The following PARD3B variants were observed in gnomAD, a reference collection of about 807,000 sequenced individuals.
PARD3B encodes partitioning defective 3 homolog B.
Under a neutral mutation model 130.2 loss-of-function variants are expected in PARD3B, and 103 were observed. The observed-to-expected ratio is 0.79, with a 90% CI of 0.67 to 0.93. The LOEUF is 0.93. Among genes scored for constraint, PARD3B ranks in the 40% least tolerant of loss-of-function variants. The probability of loss-of-function intolerance (pLI) is 0.00; values close to 1 mark genes in which losing one functional copy is unlikely to be tolerated. For missense variants in PARD3B, 1,609 were observed against 1,499.2 expected (o/e 1.07, Z -1.21); for synonymous variants, 583 against 553.2 (o/e 1.05, Z -0.76).
intron 2 of PARD3B, among the ~76,000 whole-genome samples, chr2:204,888,159 T>G (rs2046325494): frequency 6.6e-6 from 1 of 152,174 alleles, no homozygotes; most frequent in South Asian, 2.1e-4. Flanking sequence ...TTGAAAAACC[T>G]ATGCTTTTCT....
rs79500365 is a variant in PARD3B at position 205,081,992 on chromosome 2, C to T, written c.505-22434C>T. Among the ~76,000 whole-genome samples, 1,013 of 152,126 alleles carry T rather than the reference C, an allele frequency of 6.7e-3. 6 individuals are homozygous for T. Among genetic ancestry groups the T allele is most frequent in the African/African-American group, 0.023 (964 of 41,522 alleles). ...TCAACTGTTTGAGATGTAGTAATCT[C>T]GGCCTGGAGTTATCTTTGTTTCAAG... On this transcript the variant is annotated intron_variant, in intron 4 of 22. Transcript: ENST00000406610.
At chr2:204,908,008 G>A (rs1171833249) in intron 2 of PARD3B, among the ~76,000 whole-genome samples, 1 of 152,090 alleles carries the variant, frequency 6.6e-6, no homozygotes, top group East Asian at 1.9e-4. Context: ...AGCCTAAAGA[G>A]TGTTTTTTAA....
chr2:205,323,464 A>G (rs967180558), intron 18 of PARD3B, among the ~76,000 whole-genome samples: 1 of 152,184 alleles, frequency 6.6e-6, no homozygotes, highest in Non-Finnish European at 1.5e-5. Flanking sequence ...TTATGTACAG[A>G]ATTTTAATTA....
chr2:205,583,523 T>C (rs1041079084), intron 22 of PARD3B, among the ~76,000 whole-genome samples: 2 of 152,188 alleles, frequency 1.3e-5, no homozygotes, highest in African/African-American at 4.8e-5. Context: ...TGATAGTCAT[T>C]GACTGCTCAT....
At chr2:205,542,176 A>G (rs900620375) in intron 21 of PARD3B, among the ~76,000 whole-genome samples, 23 of 136,202 alleles carry the variant, frequency 1.7e-4, no homozygotes, top group Non-Finnish European at 2.6e-4. Flanking sequence ...AAAAAAAAGT[A>G]TATGTTTGGG....
At chr2:205,278,403 G>T (rs112488167) in intron 16 of PARD3B, among the ~76,000 whole-genome samples, 1,602 of 151,738 alleles carry the variant, frequency 0.011, 15 homozygotes, top group South Asian at 0.024. Context: ...GATAGGCTTG[G>T]GGGGGAGAGG....
intron 20 of PARD3B, among the ~76,000 whole-genome samples, chr2:205,483,063 T>C (rs994189147): frequency 4.0e-5 from 6 of 148,734 alleles, no homozygotes; most frequent in African/African-American, 1.5e-4. Context: ...CGGTTCATTG[T>C]GTGTCCATGG....
intron 6 of PARD3B, among the ~76,000 whole-genome samples, chr2:205,118,222 C>T (rs2125611182): frequency 6.6e-6 from 1 of 152,280 alleles, no homozygotes; most frequent in East Asian, 1.9e-4. Flanking sequence ...TGGCACTGGT[C>T]TCCCATCTAG....
chr2:205,151,543 T>C (rs2033758274), intron 10 of PARD3B, among the ~76,000 whole-genome samples: 2 of 152,230 alleles, frequency 1.3e-5, no homozygotes, highest in Admixed American at 1.3e-4. Flanking sequence ...TTTTGAACTT[T>C]GTTGGTTTAA....
intron 22 of PARD3B, among the ~76,000 whole-genome samples, chr2:205,609,389 G>A (rs1265991966): frequency 2.6e-5 from 4 of 152,182 alleles, no homozygotes; most frequent in Admixed American, 6.5e-5. Context: ...GCATGCTCAA[G>A]AATAGCATGG....
At chr2:205,303,712 T>C (rs2042091841) in intron 18 of PARD3B, among the ~76,000 whole-genome samples, 1 of 152,148 alleles carries the variant, frequency 6.6e-6, no homozygotes, top group Non-Finnish European at 1.5e-5. Flanking sequence ...CTCCCAAGAA[T>C]GCTGTCATGC....
At chr2:205,138,029 C>G (rs971616775) in intron 10 of PARD3B, among the ~76,000 whole-genome samples, 1 of 152,042 alleles carries the variant, frequency 6.6e-6, no homozygotes, top group Non-Finnish European at 1.5e-5. Context: ...TCATGGAGTC[C>G]GATAGGGAAG....
At chr2:205,327,080 G>A (rs1359386740) in intron 18 of PARD3B, among the ~76,000 whole-genome samples, 1 of 152,058 alleles carries the variant, frequency 6.6e-6, no homozygotes, top group African/African-American at 2.4e-5. Context: ...TGTGTTCTTA[G>A]GGAGAATATG....
intron 18 of PARD3B, among the ~76,000 whole-genome samples, chr2:205,361,210 T>G (rs889745085): frequency 2.6e-5 from 4 of 152,226 alleles, no homozygotes; most frequent in African/African-American, 9.6e-5. Context: ...GTACTTGGTT[T>G]TTGTATCTGC....
chr2:205,010,281 T>C (rs995281474), intron 3 of PARD3B, among the ~76,000 whole-genome samples: 11 of 152,210 alleles, frequency 7.2e-5, no homozygotes, highest in Non-Finnish European at 1.3e-4. Context: ...TAGTCAAGCA[T>C]GTCAGTTCAC....
At chr2:204,946,340 T>G (rs1163263589) in intron 2 of PARD3B, among the ~76,000 whole-genome samples, 1 of 152,232 alleles carries the variant, frequency 6.6e-6, no homozygotes, top group Non-Finnish European at 1.5e-5. Flanking sequence ...CCTTCCTCAT[T>G]TATTGAGGCA....
At chr2:204,584,950 A>G (rs1039543148) in intron 1 of PARD3B, among the ~76,000 whole-genome samples, 2 of 152,214 alleles carry the variant, frequency 1.3e-5, no homozygotes, top group African/African-American at 2.4e-5. Context: ...AAGCAACTGC[A>G]TCATCCGTAG....
In PARD3B at chr2:204,871,261, C is replaced by T. The variant is rs185536438; in HGVS notation, c.223-93891C>T. Among the ~76,000 whole-genome samples the T allele has an allele frequency of 2.6e-5, 4 of 152,048 alleles. No individual in the cohort carries two copies. In the East Asian group the frequency reaches 5.8e-4, roughly 22 times the overall value. On this transcript the variant is annotated intron_variant, in intron 2 of 22. Coordinates refer to ENST00000406610, the MANE Select transcript of PARD3B (RefSeq NM_001302769.2). ...AATTGTAATTCTCTTTTTAAATAAC[C>T]CCCTTTTGGGGACTTTGTGTGAATT...
intron 1 of PARD3B, among the ~76,000 whole-genome samples, chr2:204,583,622 TAAAAAAAA>T (rs1183973275): frequency 2.8e-5 from 2 of 70,754 alleles, no homozygotes; most frequent in Non-Finnish European, 6.0e-5. Flanking sequence ...ACTTAAAGTA[TAAAAAAAA>T]AAAAAAAAAA....
Sources: allele counts gnomAD v4.1 joint callset (sites outside exome capture counted in the v4.1 genomes callset), GRCh38; gene constraint gnomAD v4.1.1; transcripts MANE v1.5; gene names NCBI Gene and HGNC (gene_info 2026-07-23, HGNC 2026-07-21).